The following SORBS3 variants were observed in gnomAD, a reference collection of about 807,000 sequenced individuals.
SORBS3 encodes the protein vinexin.
In SORBS3, 69 loss-of-function variants were observed where a neutral mutation model predicts 98.0. The observed-to-expected ratio is 0.70, with a 90% CI of 0.58 to 0.86. The LOEUF is 0.86. Ranked by LOEUF, SORBS3 falls within the 40% of genes least tolerant of loss-of-function variation. The probability of loss-of-function intolerance (pLI) is 0.00; values close to 1 mark genes in which losing one functional copy is unlikely to be tolerated. For synonymous variants in SORBS3, 394 were observed against 355.4 expected, an observed-to-expected ratio of 1.11 and a Z score of -1.22; for missense variants, 954 against 908.5, an observed-to-expected ratio of 1.05 and a Z score of -0.64.
intron 3 of SORBS3, among the ~76,000 whole-genome samples, chr8:22,555,853 A>G (rs904657531): frequency 4.6e-5 from 7 of 152,230 alleles, no homozygotes; most frequent in African/African-American, 1.4e-4. Flanking sequence ...CTGTCTCAAA[A>G]CAAAAACAAA....
intron 19 of SORBS3, 30 bp from the exon 20 acceptor site, chr8:22,572,310 T>C: frequency 6.3e-7 from 1 of 1,590,586 alleles, no homozygotes; most frequent in Non-Finnish European, 8.6e-7. Flanking sequence ...CTGGGCCCAT[T>C]CTCTGGTTGC....
chr8:22,559,520 G>C (rs1840250047), intron 5 of SORBS3, among the ~76,000 whole-genome samples: 1 of 152,110 alleles, frequency 6.6e-6, no homozygotes, highest in Non-Finnish European at 1.5e-5. Context: ...GGGCAACATG[G>C]TGAAACCCCA....
At chr8:22,567,524 C>T (rs752334353) in intron 16 of SORBS3, among the ~76,000 whole-genome samples, 13 of 152,234 alleles carry the variant, frequency 8.5e-5, no homozygotes, top group Non-Finnish European at 1.6e-4. Flanking sequence ...TTATAAATCA[C>T]GTATACACGC....
At chr8:22,571,912 G>C in intron 19 of SORBS3, 91 bp downstream of exon 19, 1 of 931,358 alleles carries the variant, frequency 1.1e-6, no homozygotes, top group South Asian at 1.4e-5. Context: ...GTCCCCACCT[G>C]TGGATTTGGG....
intron 17 of SORBS3, 31 bp downstream of exon 17, chr8:22,569,304 G>C (rs779727340): frequency 6.5e-7 from 1 of 1,549,646 alleles, no homozygotes; most frequent in Non-Finnish European, 8.7e-7. Context: ...AGGGGTGGGT[G>C]GGGGCAGGTG....
At chr8:22,551,829 G>A, upstream of SORBS3, 1 of 985,740 alleles carries the variant, frequency 1.0e-6, no homozygotes, top group Non-Finnish European at 1.2e-6. The surrounding 1 kb of genome is among the most constrained non-coding windows in gnomAD (Gnocchi z 5.8). Flanking sequence ...TCCGGCGCGC[G>A]CCCCTTCGGC....
chr8:22,564,686 A>C lies in SORBS3; in HGVS notation c.816+165A>C, dbSNP rs3758039. 1.1e-3 allele frequency: 1,504 copies of C among 1,379,272 alleles called. 24 individuals are homozygous for C. In the East Asian group the frequency reaches 0.031, roughly 28 times the overall value. The allele number at this position is 1,379,272 out of a possible 1,614,324, so 85.4% of individuals were successfully genotyped here. On this transcript the variant is annotated intron_variant, in intron 10 of 20. Transcript: ENST00000240123. ...GCACTCAGGACAGTGGCTGGCATAC[A>C]GGAGGCGCTCAGTAAACATGTGTTA...
chr8:22,563,355 C>G (rs1255987991), intron 7 of SORBS3, among the ~76,000 whole-genome samples: 1 of 152,142 alleles, frequency 6.6e-6, no homozygotes, highest in Non-Finnish European at 1.5e-5. Flanking sequence ...TGGAGGGGAG[C>G]TAAGGCAGAT....
Position 22,564,485 on chromosome 8 carries a change from G to A in SORBS3, c.780G>A (p.Val260=). 1 of 1,614,110 alleles carries A rather than the reference G, an allele frequency of 6.2e-7. No homozygotes were observed. The highest frequency in any genetic ancestry group is 8.5e-7 in the Non-Finnish European group (1 of 1,180,020). ...CCCTTCAGCCCAAGAAACCGCTGGT[G>A]GACGACCCTGGTGAGAAGCCCTCCC... is the stretch of plus-strand genomic sequence containing the variant. The part of the protein sequence containing the change: ...ETGQRPKKPL[V]DDPGEKPSQP... The change falls in exon 10 of 21, where the codon GTG becomes GTA. Residue 260 remains valine, a synonymous_variant. Transcript: ENST00000240123.
chr8:22,551,967 GGATGC>G lies in SORBS3; in HGVS notation c.-110_-106del. 1.0e-5 allele frequency: 10 copies of G among 985,544 alleles called. No homozygotes were observed. Among genetic ancestry groups the G allele is most frequent in the Non-Finnish European group, 1.2e-5 (10 of 830,066 alleles). The allele number at this position is 985,544 out of a possible 1,614,324, so 61.0% of individuals were successfully genotyped here. A position where few individuals can be genotyped will look rare whatever the true frequency, so the allele number is the denominator to read the frequency against. Reference sequence around the variant, plus strand: ...CCCGCGCCAGGCAGCAGCCGGGCAGGGATGCTCCTGCGCTCCCGGGCGGCCTCGGG... The same window carrying G: ...CCCGCGCCAGGCAGCAGCCGGGCAGGTCCTGCGCTCCCGGGCGGCCTCGGG... On this transcript the variant is annotated 5_prime_UTR_variant, in exon 1 of 21. An upstream start codon of the reference 5' UTR is lost. Coordinates refer to ENST00000240123, the MANE Select transcript of SORBS3 (RefSeq NM_005775.5). This position sits in a 1 kb window ranked among gnomAD's most constrained non-coding sequence, Gnocchi z 5.8.
intron 1 of SORBS3, among the ~76,000 whole-genome samples, chr8:22,546,428 C>G (rs548489555): frequency 6.6e-6 from 1 of 152,066 alleles, no homozygotes; most frequent in African/African-American, 2.4e-5. Flanking sequence ...GGAATCCCAT[C>G]ACAATAAAAA....
In SORBS3 at chr8:22,564,298, G is replaced by T; in HGVS notation, c.691G>T (p.Glu231Ter). 1 of 1,607,126 alleles carries T rather than the reference G, an allele frequency of 6.2e-7. No homozygotes were observed. The highest frequency in any genetic ancestry group is 8.5e-7 in the Non-Finnish European group (1 of 1,176,140). Residue 231 changes from glutamate (E) to a stop codon, truncating the protein, a stop_gained, in exon 9 of 21, where the codon GAA becomes TAA. Coordinates refer to ENST00000240123, the MANE Select transcript of SORBS3 (RefSeq NM_005775.5). LOFTEE classifies it high-confidence loss of function. Reference sequence around the variant, plus strand: ...CTCCACGCAGGTGCTCAGACGCCGGGAAAAAGTAGACAATGTCTGGACGGA... The same window carrying T: ...CTCCACGCAGGTGCTCAGACGCCGGTAAAAAGTAGACAATGTCTGGACGGA... ...QPSNQVLRRR[E>*]KVDNVWTEES...
Position 22,554,493 on chromosome 8 carries a change from ACCTTGAC to A in SORBS3, c.-11_-5del. ...CAGCTGGCTTGCCCGGAGTCCTCCC[ACCTTGAC>A]CCAAGCATGCAGGGCCCACCCCGCA... On this transcript the variant is annotated 5_prime_UTR_variant, in exon 2 of 21. It removes the in-frame stop codon of an upstream open reading frame in the 5' UTR. Transcript: ENST00000240123. The surrounding 1 kb of genome is among the most constrained non-coding windows in gnomAD (Gnocchi z 6.5). The A allele has an allele frequency of 6.2e-7, 1 of 1,607,892 alleles. No individual in the cohort carries two copies. Among genetic ancestry groups the A allele is most frequent in the Non-Finnish European group, 8.5e-7 (1 of 1,178,650 alleles).
intron 20 of SORBS3, 28 bp from the exon 21 acceptor site, chr8:22,574,638 GA>G (rs762197083): frequency 6.2e-7 from 1 of 1,611,372 alleles, no homozygotes; most frequent in East Asian, 2.2e-5. Context: ...AGGGAGTGGG[GA>G]AAGCTCTTCC....
At chr8:22,558,245 G>A in intron 5 of SORBS3, 53 bp downstream of exon 5, 1 of 1,546,306 alleles carries the variant, frequency 6.5e-7, no homozygotes, top group Non-Finnish European at 8.9e-7. Flanking sequence ...CTGGCCCCTG[G>A]GGCTTGGAGA....
At chr8:22,549,850 G>C (rs565851747), upstream of SORBS3, 1 of 368,790 alleles carries the variant, frequency 2.7e-6, no homozygotes, top group South Asian at 1.1e-4. Context: ...CAGGAAGTGG[G>C]GAACTTTGTC....
intron 17 of SORBS3, among the ~76,000 whole-genome samples, chr8:22,569,805 T>C (rs1399652441): frequency 6.6e-6 from 1 of 152,106 alleles, no homozygotes; most frequent in South Asian, 2.1e-4. Flanking sequence ...ACTCCTGGGC[T>C]CAAGCGATCC....
In SORBS3 at chr8:22,555,558, A is replaced by G. The variant is rs374736749; in HGVS notation, c.220+578A>G. ...GGCAACATAGCAAGACCCTGTCTCT[A>G]TCAGCCTGGATGACACAGCAAGACC... On this transcript the variant is annotated intron_variant, in intron 3 of 20. Transcript: ENST00000240123. 6.9e-4 allele frequency among the ~76,000 whole-genome samples: 105 copies of G among 152,256 alleles called. 2 individuals carry two copies. The highest frequency in any genetic ancestry group is 2.4e-3 in the African/African-American group (101 of 41,544).
Position 22,571,240 on chromosome 8 carries a change from A to T in SORBS3, c.1743+19A>T, listed in dbSNP as rs757443477. 2.1e-5 allele frequency: 32 copies of T among 1,488,930 alleles called. No homozygotes were observed. The highest frequency in any genetic ancestry group is 1.4e-5 in the Non-Finnish European group (16 of 1,112,248). The allele number at this position is 1,488,930 out of a possible 1,614,324, so 92.2% of individuals were successfully genotyped here. On this transcript the variant is annotated intron_variant, in intron 18 of 20. Transcript: ENST00000240123. ...GACCCAGGTGAGGTAGCCTGCCTCC[A>T]CCAGAGAGTCGACCTCCTCCTCACC... is the stretch of plus-strand genomic sequence containing the variant.
Sources: gnomAD v4.1 joint callset for allele counts (sites outside exome capture counted in the v4.1 genomes callset) on GRCh38, gnomAD v4.1.1 for gene constraint, Gnocchi (gnomAD v3.1) non-coding constraint, MANE v1.5 for transcripts, NCBI Gene and HGNC (gene_info 2026-07-23, HGNC 2026-07-21) for gene names.